LRBA: variants seen among roughly 807,000 people sequenced by gnomAD.
LRBA encodes LPS responsive beige-like anchor protein, also known as lipopolysaccharide-responsive and beige-like anchor protein.
A neutral mutation model predicts 330.0 loss-of-function variants in LRBA; 176 were observed. The ratio of observed to expected loss-of-function variants is 0.53; its 90% CI spans 0.47 to 0.60. LRBA has a LOEUF of 0.60. Ranked by LOEUF, LRBA falls within the 20% of genes least tolerant of loss-of-function variation. The pLI, the probability that LRBA is intolerant of heterozygous loss-of-function variation, is 0.00. For synonymous variants in LRBA, 1,230 were observed against 1,193.0 expected, an observed-to-expected ratio of 1.03 and a Z score of -0.64; for missense variants, 3,259 against 3,444.8, an observed-to-expected ratio of 0.95 and a Z score of 1.35.
intron 2 of LRBA, among the ~76,000 whole-genome samples, chr4:150,975,591 G>C (rs1740073076): frequency 6.6e-6 from 1 of 150,984 alleles, no homozygotes; most frequent in Non-Finnish European, 1.5e-5. Context: ...AAAATGAAAT[G>C]AATGGAAAGA....
In LRBA at chr4:150,906,509, C is replaced by T; in HGVS notation, c.1494-104G>A. The T allele has an allele frequency of 5.0e-6, 3 of 601,504 alleles. No homozygotes were observed. The South Asian group carries it at 7.8e-5, about 16-fold the overall frequency. The allele number at this position is 601,504 out of a possible 1,614,324, so 37.3% of individuals were successfully genotyped here. A position where few individuals can be genotyped will look rare whatever the true frequency, so the allele number is the denominator to read the frequency against. On this transcript the variant is annotated intron_variant, in intron 11 of 56. Coordinates refer to ENST00000651943, the MANE Select transcript of LRBA (RefSeq NM_001364905.1). ...CCATTCACCTTAATAAAAAGTTCTC[C>T]ATTTCAAAGAAATTGAAGCTCCACT...
intron 34 of LRBA, among the ~76,000 whole-genome samples, chr4:150,775,630 T>G (rs997881673): frequency 1.3e-5 from 2 of 151,750 alleles, no homozygotes; most frequent in East Asian, 3.9e-4. Flanking sequence ...AAGGGGACTC[T>G]AGGTGCTATA....
chr4:150,618,830 TTATG>T (rs1057196322), intron 37 of LRBA, among the ~76,000 whole-genome samples: 1 of 135,624 alleles, frequency 7.4e-6, no homozygotes, highest in Non-Finnish European at 1.6e-5. Context: ...TATACATATA[TTATG>T]TATATGTGTG....
intron 34 of LRBA, among the ~76,000 whole-genome samples, chr4:150,791,154 T>G (rs1739850004): frequency 6.6e-6 from 1 of 152,210 alleles, no homozygotes; most frequent in Admixed American, 6.5e-5. Context: ...TCTGCTCATG[T>G]TGTTGCCCAG....
At chr4:150,270,661 G>C (rs908201898) in intron 56 of LRBA, among the ~76,000 whole-genome samples, 6 of 152,176 alleles carry the variant, frequency 3.9e-5, no homozygotes, top group Non-Finnish European at 7.4e-5. Context: ...GAGTTTAGAT[G>C]GAAAATATTA....
At chr4:150,951,425 G>A (rs1160180940) in intron 2 of LRBA, among the ~76,000 whole-genome samples, 1 of 150,910 alleles carries the variant, frequency 6.6e-6, no homozygotes, top group Non-Finnish European at 1.5e-5. Context: ...TGAAATAAAA[G>A]TGACACATTC....
chr4:150,695,817 C>T (rs995460662), intron 36 of LRBA, among the ~76,000 whole-genome samples: 1 of 152,184 alleles, frequency 6.6e-6, no homozygotes, highest in Non-Finnish European at 1.5e-5. Flanking sequence ...CATCTTTTAA[C>T]TCTACCTAAC....
rs143510180 is a variant in LRBA at position 150,855,278 on chromosome 4, G to T, written c.2767-2335C>A. Among the ~76,000 whole-genome samples the T allele has an allele frequency of 3.4e-4, 52 of 152,152 alleles. No individual in the cohort carries two copies. In the East Asian group the frequency reaches 7.2e-3, roughly 21 times the overall value. ...ACTCTGTCTCCAAAAAAATAAGACT[G>T]GTTAGCCTACTTTTTGGAAAACTGA... On this transcript the variant is annotated intron_variant, in intron 22 of 56. Transcript: ENST00000651943.
intron 47 of LRBA, among the ~76,000 whole-genome samples, chr4:150,373,172 T>TGTGTGTGAGAGAGA (rs1283762385): frequency 4.1e-5 from 4 of 97,458 alleles, no homozygotes; most frequent in African/African-American, 1.8e-4. Flanking sequence ...TGTGTGTGTG[T>TGTGTGTGAGAGAGA]GAGAGAGAGA....
At chr4:150,450,148 A>G (rs1045367328) in intron 44 of LRBA, among the ~76,000 whole-genome samples, 1 of 152,244 alleles carries the variant, frequency 6.6e-6, no homozygotes, top group Non-Finnish European at 1.5e-5. Context: ...TTAACATCAG[A>G]AAAAGTAGAT....
intron 44 of LRBA, among the ~76,000 whole-genome samples, chr4:150,462,938 A>C (rs1419955225): frequency 6.6e-6 from 1 of 151,936 alleles, no homozygotes; most frequent in African/African-American, 2.4e-5. Context: ...TGTATTCTTG[A>C]AAATGTGTGT....
chr4:150,696,356 T>C lies in LRBA; in HGVS notation c.5755-12639A>G, dbSNP rs1784617336. On this transcript the variant is annotated intron_variant, in intron 36 of 56. Transcript: ENST00000651943. ...TAAGAGCACCAACTCTAGAGCTAGA[T>C]GACTTGAGTTTTAACTCTTGGTTTT... Among the ~76,000 whole-genome samples, 3 of 152,224 alleles carry C rather than the reference T, an allele frequency of 2.0e-5. No homozygotes were observed. The South Asian group carries it at 6.2e-4, about 32-fold the overall frequency.
chr4:150,400,989 T>C (rs927835854), intron 47 of LRBA, among the ~76,000 whole-genome samples: 2 of 152,190 alleles, frequency 1.3e-5, no homozygotes, highest in African/African-American at 4.8e-5. Flanking sequence ...TGGAGATAGG[T>C]TATTTACAGA....
intron 37 of LRBA, among the ~76,000 whole-genome samples, chr4:150,661,972 CAT>C (rs1034961863): frequency 1.3e-5 from 2 of 151,902 alleles, no homozygotes; most frequent in Non-Finnish European, 2.9e-5. Flanking sequence ...TTCCTATTAC[CAT>C]AGTTATAATT....
intron 47 of LRBA, among the ~76,000 whole-genome samples, chr4:150,407,356 T>C (rs1317303614): frequency 1.7e-4 from 26 of 152,134 alleles, no homozygotes; most frequent in Non-Finnish European, 2.9e-5. Context: ...AACTAACATA[T>C]ACATTTAATA....
intron 40 of LRBA, among the ~76,000 whole-genome samples, chr4:150,538,409 T>C (rs1004781995): frequency 1.3e-5 from 2 of 152,156 alleles, no homozygotes; most frequent in Admixed American, 1.3e-4. Context: ...ACAGTGGGGT[T>C]GATAAAGGAA....
At chr4:150,354,892 T>C (rs1737628391) in intron 47 of LRBA, among the ~76,000 whole-genome samples, 1 of 152,010 alleles carries the variant, frequency 6.6e-6, no homozygotes, top group Non-Finnish European at 1.5e-5. Context: ...TATTCATAAA[T>C]AGGAGGTTTG....
intron 40 of LRBA, among the ~76,000 whole-genome samples, chr4:150,516,509 T>C (rs1189297780): frequency 6.6e-6 from 1 of 151,916 alleles, no homozygotes; most frequent in Non-Finnish European, 1.5e-5. Context: ...AGTCAAATAG[T>C]GAAAGATCTG....
chr4:150,679,322 A>G (rs1391063694), intron 37 of LRBA, among the ~76,000 whole-genome samples: 3 of 152,164 alleles, frequency 2.0e-5, no homozygotes, highest in African/African-American at 4.8e-5. Flanking sequence ...TGGACTCTGG[A>G]TTTTAAAATG....
Sources: allele counts gnomAD v4.1 joint callset (sites outside exome capture counted in the v4.1 genomes callset), GRCh38; gene constraint gnomAD v4.1.1; transcripts MANE v1.5; gene names NCBI Gene and HGNC (gene_info 2026-07-23, HGNC 2026-07-21).